Variants in NEMP2 observed in about 807,000 individuals in gnomAD.
NEMP2 encodes UPF0571 transmembrane protein.
A neutral mutation model predicts 54.2 loss-of-function variants in NEMP2; 53 were observed. The observed-to-expected ratio is 0.98, with a 90% CI of 0.78 to 1.23. The LOEUF (loss-of-function observed/expected upper bound fraction) is 1.23. NEMP2 is among the 50% of genes most tolerant of loss of function. NEMP2 has a pLI of 0.00. For missense variants in NEMP2, 455 were observed against 511.3 expected (o/e 0.89, Z 1.06); for synonymous variants, 197 against 190.3 (o/e 1.04, Z -0.29).
rs1209260746 is a variant in NEMP2, at chr2:190,519,049, T to C, written c.348A>G (p.Glu116=). Residue 116 remains glutamate (E), a synonymous_variant, in exon 3 of 9, where the codon GAA becomes GAG. Coordinates refer to ENST00000409150, the MANE Select transcript of NEMP2 (RefSeq NM_001142645.2). The surrounding 1 kb of genome is among the most constrained non-coding windows in gnomAD (Gnocchi z 5.4). The part of the protein sequence containing the change: ...HNFWIPKESN[E]ITIIINPYRE... Reference sequence around the variant, plus strand: ...TGTATGGATTGATGATTATGGTTATTTCGTTAGATTCCTTTGGTATCCAAA... The same window carrying C: ...TGTATGGATTGATGATTATGGTTATCTCGTTAGATTCCTTTGGTATCCAAA... 1 of 1,551,356 alleles carries C rather than the reference T, an allele frequency of 6.4e-7. No homozygotes were observed. Among genetic ancestry groups the C allele is most frequent in the Non-Finnish European group, 8.7e-7 (1 of 1,146,902 alleles).
chr2:190,482,868 CTTTTTTTTTTTTTTTTTTTT>C, the NEMP2 span, among the ~76,000 whole-genome samples: 26 of 48,294 alleles, frequency 5.4e-4, 1 homozygote, highest in East Asian at 7.0e-4. Flanking sequence ...AGACTATCAT[CTTTTTTTTTTTTTTTTTTTT>C]TTTTTTTTTT....
the NEMP2 span, among the ~76,000 whole-genome samples, chr2:190,574,048 C>A: frequency 6.6e-6 from 1 of 152,156 alleles, no homozygotes; most frequent in Admixed American, 6.5e-5. Context: ...AAACCTCATG[C>A]GTTTCTCCCC....
the NEMP2 span, among the ~76,000 whole-genome samples, chr2:190,443,564 A>G: frequency 1.3e-5 from 2 of 152,228 alleles, no homozygotes; most frequent in Non-Finnish European, 2.9e-5. The surrounding 1 kb of genome is among the most constrained non-coding windows in gnomAD (Gnocchi z 4.2). Flanking sequence ...TTAAACCTGC[A>G]AAGTCAAGAT....
the NEMP2 span, among the ~76,000 whole-genome samples, chr2:190,642,550 A>G: frequency 0.017 from 2,628 of 152,242 alleles, 26 homozygotes; most frequent in South Asian, 0.043. This position sits in a 1 kb window ranked among gnomAD's most constrained non-coding sequence, Gnocchi z 4.1. Flanking sequence ...TATAATCTCT[A>G]TATATTTAAA....
At chr2:190,593,465 T>C in the NEMP2 span, among the ~76,000 whole-genome samples, 2 of 152,216 alleles carry the variant, frequency 1.3e-5, no homozygotes, top group Admixed American at 6.5e-5. This position sits in a 1 kb window ranked among gnomAD's most constrained non-coding sequence, Gnocchi z 4.5. Flanking sequence ...ATGCCATGTC[T>C]GAGTTCCAGC....
the NEMP2 span, chr2:190,437,272 A>C: frequency 1.9e-6 from 3 of 1,614,156 alleles, no homozygotes; most frequent in Non-Finnish European, 2.5e-6. The surrounding 1 kb of genome is among the most constrained non-coding windows in gnomAD (Gnocchi z 5.9). Flanking sequence ...GGAAAGGAAC[A>C]ACTCTACAGA....
Position 190,505,889 on chromosome 2 carries a change from G to A in NEMP2, c.*3300C>T, listed in dbSNP as rs1690175918. The A allele has an allele frequency of 6.6e-6, 1 of 152,204 alleles. No individual in the cohort carries two copies. Among genetic ancestry groups the A allele is most frequent in the Non-Finnish European group, 1.5e-5 (1 of 68,026 alleles). The allele number at this position is 152,204 out of a possible 1,614,324, so 9.4% of individuals were successfully genotyped here. A position where few individuals can be genotyped will look rare whatever the true frequency, so the allele number is the denominator to read the frequency against. On this transcript the variant is annotated 3_prime_UTR_variant, in exon 9 of 9. Coordinates refer to ENST00000409150, the MANE Select transcript of NEMP2 (RefSeq NM_001142645.2). The surrounding 1 kb of genome is among the most constrained non-coding windows in gnomAD (Gnocchi z 5.8). ...AAGGCTAGCCCCACTGGGGTGGGGG[G>A]TGGCATCTGCATCAAACTCTTTGGC...
chr2:190,535,324 A>G (rs1035717137), upstream of NEMP2, among the ~76,000 whole-genome samples: 5 of 152,244 alleles, frequency 3.3e-5, no homozygotes, highest in East Asian at 1.9e-4. Context: ...TTCAGAGTAC[A>G]GAGGGGCTCG....
At chr2:190,549,644 C>G in the NEMP2 span, among the ~76,000 whole-genome samples, 1 of 151,786 alleles carries the variant, frequency 6.6e-6, no homozygotes, top group African/African-American at 2.4e-5. Flanking sequence ...TTTCCTGAAG[C>G]TCAAATTGTC....
Position 190,523,669 on chromosome 2 carries a change from G to C in NEMP2, c.213+1594C>G, listed in dbSNP as rs1274745993. 6.6e-6 allele frequency among the ~76,000 whole-genome samples: 1 copy of C among 152,204 alleles called. No individual in the cohort carries two copies. Among genetic ancestry groups the C allele is most frequent in the East Asian group, 1.9e-4 (1 of 5,202 alleles). On this transcript the variant is annotated intron_variant, in intron 2 of 8. Transcript: ENST00000409150. This position sits in a 1 kb window ranked among gnomAD's most constrained non-coding sequence, Gnocchi z 5.3. ...AAATTACACACGCCTAGAACATCTTGTTTGTTAGAAAGTAAAGTAGTGCTC... is the reference window on the plus strand; with the variant it reads ...AAATTACACACGCCTAGAACATCTTCTTTGTTAGAAAGTAAAGTAGTGCTC...
chr2:190,493,866 A>G, the NEMP2 span, among the ~76,000 whole-genome samples: 1 of 152,174 alleles, frequency 6.6e-6, no homozygotes, highest in East Asian at 1.9e-4. Flanking sequence ...AGCAAAGGCA[A>G]TGCTAAGGGG....
the NEMP2 span, among the ~76,000 whole-genome samples, chr2:190,456,978 G>A: frequency 2.6e-5 from 4 of 152,200 alleles, no homozygotes; most frequent in South Asian, 8.3e-4. This position sits in a 1 kb window ranked among gnomAD's most constrained non-coding sequence, Gnocchi z 5.4. Flanking sequence ...AATGTCAACC[G>A]TCTTCTGATG....
In NEMP2 at chr2:190,507,468, C is replaced by T. The variant is rs1445017499; in HGVS notation, c.*1721G>A. ...AGGAGACGAACTTGGTGAGCACAGG[C>T]ACTGATACATCTGATACATTTATAT... On this transcript the variant is annotated 3_prime_UTR_variant, in exon 9 of 9. Transcript: ENST00000409150. This position sits in a 1 kb window ranked among gnomAD's most constrained non-coding sequence, Gnocchi z 4.4. The T allele has an allele frequency of 3.9e-5, 6 of 152,042 alleles. No individual in the cohort carries two copies. The highest frequency in any genetic ancestry group is 3.9e-4 in the Admixed American group (6 of 15,260). 9.4% of individuals were successfully genotyped at this position (152,042 alleles called of 1,614,324 possible).
rs952889160 is a variant in NEMP2 at position 190,531,668 on chromosome 2, A to G, written c.97+2891T>C. Among the ~76,000 whole-genome samples, 31 of 152,206 alleles carry G rather than the reference A, an allele frequency of 2.0e-4. No individual in the cohort carries two copies. The highest frequency in any genetic ancestry group is 7.0e-4 in the African/African-American group (29 of 41,440). On this transcript the variant is annotated intron_variant, in intron 1 of 8. Coordinates refer to ENST00000409150, the MANE Select transcript of NEMP2 (RefSeq NM_001142645.2). The surrounding 1 kb of genome is among the most constrained non-coding windows in gnomAD (Gnocchi z 4.7). ...TCAATTAATCTAATTTTAGAATTAC[A>G]TATCTAGTATAAAAAAGGGACAGCT...
At chr2:190,451,776 A>G in the NEMP2 span, among the ~76,000 whole-genome samples, 1 of 152,234 alleles carries the variant, frequency 6.6e-6, no homozygotes, top group Admixed American at 6.5e-5. The surrounding 1 kb of genome is among the most constrained non-coding windows in gnomAD (Gnocchi z 5.0). Flanking sequence ...AGTGCACTGG[A>G]CAAGGATCCT....
At chr2:190,562,425 C>T in the NEMP2 span, among the ~76,000 whole-genome samples, 1 of 152,170 alleles carries the variant, frequency 6.6e-6, no homozygotes, top group East Asian at 1.9e-4. The surrounding 1 kb of genome is among the most constrained non-coding windows in gnomAD (Gnocchi z 5.0). Flanking sequence ...TAAGCACTCC[C>T]TAGCTTCTTC....
the NEMP2 span, among the ~76,000 whole-genome samples, chr2:190,615,839 C>T: frequency 6.6e-6 from 1 of 152,178 alleles, no homozygotes; most frequent in African/African-American, 2.4e-5. The surrounding 1 kb of genome is among the most constrained non-coding windows in gnomAD (Gnocchi z 4.7). Context: ...CCAAATATAT[C>T]TATTTCTTAT....
the NEMP2 span, among the ~76,000 whole-genome samples, chr2:190,605,508 G>A: frequency 3.9e-5 from 6 of 152,018 alleles, no homozygotes; most frequent in African/African-American, 1.5e-4. Context: ...TGGAGTAGCT[G>A]GGACTACAGG....
In NEMP2 at chr2:190,534,517, C is replaced by T. The variant is rs1238463041; in HGVS notation, c.97+42G>A. 7.6e-5 allele frequency: 103 copies of T among 1,361,404 alleles called. 1 individual carries two copies. The East Asian group carries it at 2.8e-3, about 38-fold the overall frequency. 84.3% of individuals were successfully genotyped at this position (1,361,404 alleles called of 1,614,324 possible). A position where few individuals can be genotyped will look rare whatever the true frequency, so the allele number is the denominator to read the frequency against. On this transcript the variant is annotated intron_variant, in intron 1 of 8. Coordinates refer to ENST00000409150, the MANE Select transcript of NEMP2 (RefSeq NM_001142645.2). ...TCAGGGCAGCCGCGAAGCCGGGGAG[C>T]GAGCACGCACGCGCGCGCCGCCGCC...
Sources: gnomAD v4.1 joint callset for allele counts (sites outside exome capture counted in the v4.1 genomes callset) on GRCh38, gnomAD v4.1.1 for gene constraint, Gnocchi (gnomAD v3.1) non-coding constraint, MANE v1.5 for transcripts, NCBI Gene and HGNC (gene_info 2026-07-23, HGNC 2026-07-21) for gene names.